The following SCUBE1 variants were observed in gnomAD, a reference collection of about 807,000 sequenced individuals.
The protein encoded by SCUBE1 is signal peptide, CUB and EGF-like domain-containing protein 1.
Under a neutral mutation model 124.4 loss-of-function variants are expected in SCUBE1, and 59 were observed. That is an observed-to-expected ratio of 0.47 (90% CI 0.38 to 0.59). The LOEUF (loss-of-function observed/expected upper bound fraction) is 0.59, where lower values mean the gene tolerates loss of function less well. Ranked by LOEUF, SCUBE1 falls within the 20% of genes least tolerant of loss-of-function variation. SCUBE1 has a pLI of 0.00. For synonymous variants in SCUBE1, 545 were observed against 550.9 expected, an observed-to-expected ratio of 0.99 and a Z score of 0.15; for missense variants, 1,150 against 1,371.2, an observed-to-expected ratio of 0.84 and a Z score of 2.55.
At chr22:43,323,588 ACATCCATCCATCCATCCATC>A (rs56143728) in intron 2 of SCUBE1, among the ~76,000 whole-genome samples, 23 of 148,724 alleles carry the variant, frequency 1.5e-4, no homozygotes, top group East Asian at 4.0e-4. Flanking sequence ...ACCCATCCAA[ACATCCATCCATCCATCCATC>A]CATCCATCCA....
rs1366962516 is a variant in SCUBE1 at position 43,273,571 on chromosome 22, T to C, written c.485-10726A>G. Among the ~76,000 whole-genome samples, 3 of 130,984 alleles carry C rather than the reference T, an allele frequency of 2.3e-5. No homozygotes were observed. In the East Asian group the frequency reaches 6.2e-4, roughly 27 times the overall value. The allele number at this position is 130,984 out of a possible 152,430, so 85.9% of individuals were successfully genotyped here. A position where few individuals can be genotyped will look rare whatever the true frequency, so the allele number is the denominator to read the frequency against. ...GGAGACTAAAACCCTCTTTTTTTTT[T>C]TTTTTTTTTTTTTTGAGACAGAGTC... is the stretch of plus-strand genomic sequence containing the variant. On this transcript the variant is annotated intron_variant, in intron 4 of 21. Coordinates refer to ENST00000360835, the MANE Select transcript of SCUBE1 (RefSeq NM_173050.5).
At chr22:43,281,861 A>C (rs1047858623) in intron 4 of SCUBE1, 2 of 152,896 alleles carry the variant, frequency 1.3e-5, no homozygotes, top group East Asian at 3.8e-4. Context: ...AATTCCTGCT[A>C]GACAGGGTCC....
chr22:43,268,478 C>A lies in SCUBE1; in HGVS notation c.485-5633G>T, dbSNP rs78747762. On this transcript the variant is annotated intron_variant, in intron 4 of 21. Transcript: ENST00000360835. ...CCAGGTCGAATCTAATCTGATCCAA[C>A]CACCCAAATCCAATTACATGCTACA... Among the ~76,000 whole-genome samples, 476 of 152,366 alleles carry A rather than the reference C, an allele frequency of 3.1e-3. 2 individuals are homozygous for A. The highest frequency in any genetic ancestry group is 0.011 in the African/African-American group (467 of 41,598).
At chr22:43,310,517 C>G (rs903087069) in intron 3 of SCUBE1, among the ~76,000 whole-genome samples, 3 of 152,222 alleles carry the variant, frequency 2.0e-5, no homozygotes, top group African/African-American at 7.2e-5. Context: ...AGCAAAGATG[C>G]TTCCAGATGA....
Position 43,238,958 on chromosome 22 carries a change from G to A in SCUBE1, c.728-4C>T. ...CCGTTATTGACTGCGCACGTCTCTG[G>A]GGAGGGAAAGAGACAGAGACCTCAG... is the stretch of plus-strand genomic sequence containing the variant. On this transcript the variant is annotated splice_polypyrimidine_tract_variant and splice_region_variant and intron_variant, in intron 6 of 21. Transcript: ENST00000360835. 3 of 1,605,394 alleles carry A rather than the reference G, an allele frequency of 1.9e-6. No individual in the cohort carries two copies. Among genetic ancestry groups the A allele is most frequent in the Non-Finnish European group, 2.6e-6 (3 of 1,173,292 alleles).
intron 3 of SCUBE1, among the ~76,000 whole-genome samples, chr22:43,298,708 G>C (rs1226195935): frequency 6.6e-6 from 1 of 152,198 alleles, no homozygotes; most frequent in Admixed American, 6.5e-5. Context: ...TGTGACCACT[G>C]CCCATGGGAC....
chr22:43,255,380 A>G lies in SCUBE1; in HGVS notation c.727+2839T>C. On this transcript the variant is annotated intron_variant, in intron 6 of 21. Coordinates refer to ENST00000360835, the MANE Select transcript of SCUBE1 (RefSeq NM_173050.5). This position sits in a 1 kb window ranked among gnomAD's most constrained non-coding sequence, Gnocchi z 4.7. ...CCACACGCACACGTCACACCCACAC[A>G]CAGCACACACACGCCCATGTCCACA... is the stretch of plus-strand genomic sequence containing the variant. 1.0e-6 allele frequency: 1 copy of G among 961,398 alleles called. No individual in the cohort carries two copies. The highest frequency in any genetic ancestry group is 1.6e-6 in the Non-Finnish European group (1 of 617,112). 59.6% of individuals were successfully genotyped at this position (961,398 alleles called of 1,614,324 possible). A position where few individuals can be genotyped will look rare whatever the true frequency, so the allele number is the denominator to read the frequency against.
At chr22:43,214,861 C>A (rs56221413) in intron 15 of SCUBE1, among the ~76,000 whole-genome samples, 1,954 of 152,194 alleles carry the variant, frequency 0.013, 22 homozygotes, top group Non-Finnish European at 0.02. Context: ...AGAAAGGGAG[C>A]CGAGTTTCTC....
rs9612033 is a variant in SCUBE1, at chr22:43,282,426, C to T, written c.484+8620G>A. The T allele has an allele frequency of 7.6e-3, 1,156 of 152,406 alleles. 9 individuals are homozygous for T. The highest frequency in any genetic ancestry group is 0.012 in the Non-Finnish European group (847 of 68,102). 9.4% of individuals were successfully genotyped at this position (152,406 alleles called of 1,614,324 possible). A position where few individuals can be genotyped will look rare whatever the true frequency, so the allele number is the denominator to read the frequency against. On this transcript the variant is annotated intron_variant, in intron 4 of 21. Coordinates refer to ENST00000360835, the MANE Select transcript of SCUBE1 (RefSeq NM_173050.5). ...GTGCCTCTCCCCAGGGTTTCTGGCT[C>T]CCTGTCTCCAGAGTCCTACTTGAAG...
intron 2 of SCUBE1, among the ~76,000 whole-genome samples, chr22:43,324,275 T>C (rs1431275679): frequency 1.3e-5 from 2 of 152,254 alleles, no homozygotes; most frequent in Admixed American, 1.3e-4. Flanking sequence ...AAAACAACTC[T>C]AGCCATTTCC....
At chr22:43,241,670 T>C (rs907091941) in intron 6 of SCUBE1, among the ~76,000 whole-genome samples, 17 of 152,196 alleles carry the variant, frequency 1.1e-4, no homozygotes, top group African/African-American at 4.1e-4. Flanking sequence ...ACCCAGGGCC[T>C]GGGCCTGCTG....
chr22:43,288,257 C>G (rs1925223313), intron 4 of SCUBE1, among the ~76,000 whole-genome samples: 1 of 152,196 alleles, frequency 6.6e-6, no homozygotes, highest in African/African-American at 2.4e-5. Flanking sequence ...CCTGGGGCAT[C>G]TGGGTGGAGT....
At chr22:43,281,454 CTCCCTCAGCCACCCTCCTGTCA>C (rs1417345031) in intron 4 of SCUBE1, among the ~76,000 whole-genome samples, 30 of 70,740 alleles carry the variant, frequency 4.2e-4, no homozygotes, top group South Asian at 1.5e-3. Flanking sequence ...CTCCTGTCAT[CTCCCTCAGCCACCCTCCTGTCA>C]CCTCCCTCTT....
intron 5 of SCUBE1, among the ~76,000 whole-genome samples, chr22:43,260,842 T>C (rs1923844916): frequency 6.6e-6 from 1 of 152,176 alleles, no homozygotes; most frequent in African/African-American, 2.4e-5. Flanking sequence ...GTGTCCTAGC[T>C]GCTCACAGGG....
chr22:43,305,971 G>A (rs1925953880), intron 3 of SCUBE1, among the ~76,000 whole-genome samples: 1 of 152,226 alleles, frequency 6.6e-6, no homozygotes, highest in African/African-American at 2.4e-5. Context: ...GTGACAGGGA[G>A]GGGTGCCAGG....
intron 6 of SCUBE1, among the ~76,000 whole-genome samples, chr22:43,252,215 G>A (rs1022973588): frequency 5.9e-5 from 9 of 152,340 alleles, no homozygotes; most frequent in South Asian, 4.1e-4. Context: ...CGCCGTGCTC[G>A]AGGTATTCTC....
intron 3 of SCUBE1, among the ~76,000 whole-genome samples, chr22:43,314,958 G>C (rs1926293693): frequency 6.6e-6 from 1 of 152,180 alleles, no homozygotes; most frequent in Admixed American, 6.5e-5. Flanking sequence ...CCTGTCCCAA[G>C]TCCCGCAAAC....
At chr22:43,324,359 G>A (rs1407647992) in intron 2 of SCUBE1, among the ~76,000 whole-genome samples, 1 of 152,146 alleles carries the variant, frequency 6.6e-6, no homozygotes, top group Non-Finnish European at 1.5e-5. Flanking sequence ...TTTGCTGCTT[G>A]CATTTCTTTC....
chr22:43,342,880 G>A (rs1381371182), intron 1 of SCUBE1, among the ~76,000 whole-genome samples: 8 of 151,048 alleles, frequency 5.3e-5, no homozygotes, highest in Admixed American at 1.3e-4. Context: ...GTCCGCACGC[G>A]GGGTCCCCGG....
Sources: allele counts gnomAD v4.1 joint callset (sites outside exome capture counted in the v4.1 genomes callset), GRCh38; gene constraint gnomAD v4.1.1; non-coding constraint Gnocchi (gnomAD v3.1); transcripts MANE v1.5; gene names NCBI Gene and HGNC (gene_info 2026-07-23, HGNC 2026-07-21).